Variants in CREM observed in about 807,000 individuals in gnomAD.
CREM encodes cAMP responsive element modulator.
A neutral mutation model predicts 37.3 loss-of-function variants in CREM; 13 were observed. The observed-to-expected ratio is 0.35, with a 90% confidence interval of 0.23 to 0.55. The LOEUF (loss-of-function observed/expected upper bound fraction) is 0.55, where lower values mean the gene tolerates loss of function less well. Among genes scored for constraint, CREM ranks in the 20% least tolerant of loss-of-function variants. The pLI, the probability that CREM is intolerant of heterozygous loss-of-function variation, is 0.88. For synonymous variants in CREM, 124 were observed against 120.2 expected (o/e 1.03, Z -0.21); for missense variants, 296 against 362.3 (o/e 0.82, Z 1.49).
At chr10:35,175,251 T>C (rs2093997040) in intron 3 of CREM, among the ~76,000 whole-genome samples, 3 of 148,800 alleles carry the variant, frequency 2.0e-5, no homozygotes, top group Non-Finnish European at 4.4e-5. Context: ...ATCGAGACCA[T>C]CCTGGCTAAT....
At position 35,211,313 on chromosome 10, in the gene CREM, G is replaced by A. The variant is rs753307596; in HGVS notation, c.815G>A (p.Arg272His). Residue 272 changes from arginine (R) to histidine (H), a missense_variant, in exon 8 of 8, where the codon CGT becomes CAT. Coordinates refer to ENST00000685392, the MANE Select transcript of CREM (RefSeq NM_183011.2). The stretch of plus-strand genomic sequence containing the variant: ...GAATATGTCAAATGTCTTGAAAATC[G>A]TGTGGCTGTGCTTGAAAACCAAAAC... ...KKEYVKCLEN[R>H]VAVLENQNKT... 37 of 1,613,960 alleles carry A rather than the reference G, an allele frequency of 2.3e-5. No homozygotes were observed. Among genetic ancestry groups the A allele is most frequent in the Non-Finnish European group, 3.0e-5 (35 of 1,180,022 alleles).
Position 35,211,261 on chromosome 10 carries a change from G to T in CREM, c.763G>T (p.Ala255Ser). 6.2e-7 allele frequency: 1 copy of T among 1,613,482 alleles called. No individual in the cohort carries two copies. Among genetic ancestry groups the T allele is most frequent in the Non-Finnish European group, 8.5e-7 (1 of 1,179,604 alleles). The change falls in exon 8 of 8, where the codon GCC becomes TCC. Residue 255 changes from alanine (A) to serine (S), a missense_variant. Coordinates refer to ENST00000685392, the MANE Select transcript of CREM (RefSeq NM_183011.2). ...GCCTTGTGTTGCTTCCAGGGAAGCT[G>T]CCCGGGAGTGTCGCAGGAAGAAGAA... ...ELRLMKNREAARECRRKKKEY... is the reference protein window; with the variant it reads ...ELRLMKNREASRECRRKKKEY...
intron 6 of CREM, among the ~76,000 whole-genome samples, chr10:35,199,180 G>A (rs1187884496): frequency 6.6e-6 from 1 of 152,194 alleles, no homozygotes; most frequent in Non-Finnish European, 1.5e-5. Flanking sequence ...TTTCATTTAG[G>A]TGTGACAGCT....
At position 35,162,355 on chromosome 10, in the gene CREM, C is replaced by G. The variant is rs575560767; in HGVS notation, c.168+13864C>G. On this transcript the variant is annotated intron_variant, in intron 3 of 7. Transcript: ENST00000685392. ...TGAGTTCAAGAGAGCTATCATACAG[C>G]ATGGTGACTATAGTTAAGGACAATG... Among the ~76,000 whole-genome samples, 4 of 152,244 alleles carry G rather than the reference C, an allele frequency of 2.6e-5. 1 individual carries two copies. The highest frequency in any genetic ancestry group is 2.6e-4 in the Admixed American group (4 of 15,294).
intron 5 of CREM, among the ~76,000 whole-genome samples, chr10:35,180,579 C>T (rs1038329393): frequency 3.3e-5 from 5 of 152,216 alleles, no homozygotes; most frequent in Admixed American, 2.0e-4. Flanking sequence ...ACAGGGCACC[C>T]AGTAGACTTG....
At chr10:35,202,446 A>G (rs1365814745) in intron 6 of CREM, among the ~76,000 whole-genome samples, 2 of 152,180 alleles carry the variant, frequency 1.3e-5, no homozygotes, top group Non-Finnish European at 2.9e-5. Context: ...TTAAGAGACA[A>G]GGTCTTGCTA....
At chr10:35,148,830 A>G (rs1303855384) in intron 3 of CREM, among the ~76,000 whole-genome samples, 2 of 152,058 alleles carry the variant, frequency 1.3e-5, no homozygotes, top group Non-Finnish European at 2.9e-5. Context: ...AAATCTTACC[A>G]TTTTCCCCGT....
chr10:35,180,554 G>A (rs2133219227), intron 5 of CREM, among the ~76,000 whole-genome samples: 1 of 152,328 alleles, frequency 6.6e-6, no homozygotes, highest in Middle Eastern at 3.4e-3. Context: ...GGGGTGTAGT[G>A]TATTCACACG....
In CREM at chr10:35,182,657, C is replaced by A. The variant is rs149468688; in HGVS notation, c.409+3381C>A. Among the ~76,000 whole-genome samples, 227 of 152,150 alleles carry A rather than the reference C, an allele frequency of 1.5e-3. 1 individual carries two copies. Among genetic ancestry groups the A allele is most frequent in the African/African-American group, 5.1e-3 (213 of 41,478 alleles). Reference sequence around the variant, plus strand: ...TGAAAGATATTTGGCAGAAGTTGGCCTTATTATATTGACTTACTATTATCA... The same window carrying A: ...TGAAAGATATTTGGCAGAAGTTGGCATTATTATATTGACTTACTATTATCA... On this transcript the variant is annotated intron_variant, in intron 5 of 7. Coordinates refer to ENST00000685392, the MANE Select transcript of CREM (RefSeq NM_183011.2).
At chr10:35,154,345 G>A (rs2092770456) in intron 3 of CREM, 3 of 340,152 alleles carry the variant, frequency 8.8e-6, no homozygotes, top group Non-Finnish European at 1.6e-5. Flanking sequence ...ATTTTCTCTT[G>A]TTAATAGGTT....
chr10:35,180,944 A>G (rs1336994514), intron 5 of CREM, among the ~76,000 whole-genome samples: 1 of 152,208 alleles, frequency 6.6e-6, no homozygotes, highest in African/African-American at 2.4e-5. Context: ...TGACAGGGAA[A>G]AGGTTGGAAG....
intron 1 of CREM, among the ~76,000 whole-genome samples, chr10:35,128,598 T>G (rs774477435): frequency 2.4e-4 from 36 of 148,924 alleles, no homozygotes; most frequent in Non-Finnish European, 2.4e-4. Flanking sequence ...CGCTCTCAGC[T>G]CACTGCAAGC....
chr10:35,143,258 C>T (rs1214918348), intron 2 of CREM, among the ~76,000 whole-genome samples: 3 of 152,086 alleles, frequency 2.0e-5, no homozygotes, highest in Non-Finnish European at 2.9e-5. Context: ...CGTGAGCCAC[C>T]GTGCCGGGCT....
Position 35,179,207 on chromosome 10 carries a change from G to A in CREM, c.340G>A (p.Gly114Arg). Residue 114 changes from glycine to arginine, a missense_variant, in exon 5 of 8, where the codon GGA becomes AGA. Physicochemically the swap from Gly to Arg is moderately radical, Grantham distance 125 (BLOSUM62 -2). Coordinates refer to ENST00000685392, the MANE Select transcript of CREM (RefSeq NM_183011.2). ...KIEEERSEEE[G>R]TPPSIATMAV... ...TGAAGAAGAGAGATCAGAGGAAGAA[G>A]GAACACCACCTAGTATTGCTACCAT... The A allele has an allele frequency of 1.2e-6, 2 of 1,614,068 alleles. No individual in the cohort carries two copies. The highest frequency in any genetic ancestry group is 2.2e-5 in the East Asian group (1 of 44,866).
chr10:35,174,868 G>A (rs1189071923), intron 3 of CREM, among the ~76,000 whole-genome samples: 2 of 152,180 alleles, frequency 1.3e-5, no homozygotes, highest in African/African-American at 4.8e-5. Context: ...GTGAGGAGAT[G>A]GCTGTTGTGC....
intron 3 of CREM, among the ~76,000 whole-genome samples, chr10:35,160,230 A>C (rs1161785834): frequency 6.6e-6 from 1 of 152,210 alleles, no homozygotes; most frequent in African/African-American, 2.4e-5. Flanking sequence ...GTATTTGTGT[A>C]TCTAAACATA....
intron 6 of CREM, chr10:35,195,290 G>C (rs1020462246): frequency 6.4e-7 from 1 of 1,553,178 alleles, no homozygotes; most frequent in African/African-American, 1.4e-5. Context: ...AGGAACATCT[G>C]AGTGTTTCAG....
intron 3 of CREM, among the ~76,000 whole-genome samples, chr10:35,170,288 T>C (rs1040192994): frequency 1.3e-5 from 2 of 152,196 alleles, no homozygotes; most frequent in African/African-American, 4.8e-5. Flanking sequence ...GATGTGCTGC[T>C]GGATTCAGTT....
At chr10:35,198,172 G>T (rs2095269896) in intron 6 of CREM, among the ~76,000 whole-genome samples, 1 of 152,004 alleles carries the variant, frequency 6.6e-6, no homozygotes, top group South Asian at 2.1e-4. Flanking sequence ...AGCACTAATG[G>T]CTGGCCTGGA....
Sources: gnomAD v4.1 joint callset for allele counts (sites outside exome capture counted in the v4.1 genomes callset) on GRCh38, gnomAD v4.1.1 for gene constraint, MANE v1.5 for transcripts, NCBI Gene and HGNC (gene_info 2026-07-23, HGNC 2026-07-21) for gene names.